The following CCSER2 variants were observed in gnomAD, a reference collection of about 807,000 sequenced individuals.
The protein encoded by CCSER2 is serine-rich coiled-coil domain-containing protein 2.
CCSER2 carries 46 observed loss-of-function variants against 92.3 expected under a neutral mutation model. The ratio of observed to expected loss-of-function variants is 0.50; its 90% CI spans 0.39 to 0.64. The LOEUF (loss-of-function observed/expected upper bound fraction) is 0.64, where lower values mean the gene tolerates loss of function less well. Ranked by LOEUF, CCSER2 falls within the 30% of genes least tolerant of loss-of-function variation. CCSER2 has a pLI of 0.00. For synonymous variants in CCSER2, 433 were observed against 431.4 expected (o/e 1.00, Z -0.04); for missense variants, 1,244 against 1,238.9 (o/e 1.00, Z -0.06).
chr10:84,488,429 G>A (rs1271174860), intron 9 of CCSER2, among the ~76,000 whole-genome samples: 1 of 152,164 alleles, frequency 6.6e-6, no homozygotes, highest in African/African-American at 2.4e-5. Flanking sequence ...CCTGTTGTTG[G>A]TCTATTCAGG....
chr10:84,438,771 T>A, intron 6 of CCSER2, 64 bp downstream of exon 6: 1 of 1,042,796 alleles, frequency 9.6e-7, no homozygotes, highest in Non-Finnish European at 1.4e-6. Context: ...TGACTTTAGT[T>A]TTTTTTAAAA....
intron 4 of CCSER2, among the ~76,000 whole-genome samples, chr10:84,419,213 A>G (rs746053103): frequency 3.3e-5 from 5 of 152,144 alleles, no homozygotes; most frequent in Non-Finnish European, 5.9e-5. Context: ...AAGCTTGTCC[A>G]TCTACATTGT....
At chr10:84,458,355 G>T (rs1038371330) in intron 6 of CCSER2, among the ~76,000 whole-genome samples, 1 of 152,128 alleles carries the variant, frequency 6.6e-6, no homozygotes, top group African/African-American at 2.4e-5. Flanking sequence ...GACCATAAAT[G>T]TGTGGGTCTG....
chr10:84,335,316 C>T (rs770823792), intron 1 of CCSER2, among the ~76,000 whole-genome samples: 2 of 144,790 alleles, frequency 1.4e-5, no homozygotes, highest in Non-Finnish European at 1.5e-5. Context: ...GCAGCCTTGA[C>T]CTCCTGGGCT....
chr10:84,449,622 A>G (rs1845146132), intron 6 of CCSER2, among the ~76,000 whole-genome samples: 1 of 152,194 alleles, frequency 6.6e-6, no homozygotes, highest in Admixed American at 6.5e-5. Flanking sequence ...TGGGAGGCCA[A>G]GGTGGGCAGA....
chr10:84,408,219 ACTTGTC>A (rs1842468853), intron 3 of CCSER2, among the ~76,000 whole-genome samples: 1 of 152,134 alleles, frequency 6.6e-6, no homozygotes, highest in East Asian at 1.9e-4. Flanking sequence ...GGAAGATTAT[ACTTGTC>A]CTTCAGTTTA....
At chr10:84,465,051 C>T (rs1398879480) in intron 7 of CCSER2, among the ~76,000 whole-genome samples, 1 of 151,934 alleles carries the variant, frequency 6.6e-6, no homozygotes, top group African/African-American at 2.4e-5. Context: ...GATTGCTTCC[C>T]AACCCTGAGC....
At chr10:84,345,462 A>G (rs1315725957) in intron 1 of CCSER2, among the ~76,000 whole-genome samples, 1 of 152,214 alleles carries the variant, frequency 6.6e-6, no homozygotes, top group African/African-American at 2.4e-5. Flanking sequence ...ATAAAGATAC[A>G]TGTCTATTTA....
intron 8 of CCSER2, among the ~76,000 whole-genome samples, chr10:84,474,624 C>T (rs187935602): frequency 2.1e-5 from 3 of 143,072 alleles, no homozygotes; most frequent in Admixed American, 1.4e-4. Context: ...TCGCGTGCCA[C>T]TGCACTCCAG....
intron 5 of CCSER2, among the ~76,000 whole-genome samples, chr10:84,430,970 T>C (rs1359246616): frequency 6.6e-6 from 1 of 151,956 alleles, no homozygotes; most frequent in Non-Finnish European, 1.5e-5. Context: ...TAATAGATTT[T>C]ATTTTTTAGA....
chr10:84,370,971 C>T, intron 1 of CCSER2, 43 bp from the exon 2 acceptor site: 1 of 856,154 alleles, frequency 1.2e-6, no homozygotes, highest in Non-Finnish European at 1.7e-6. Flanking sequence ...TGTAATTATC[C>T]TTATTTAGGA....
chr10:84,412,038 A>C (rs1842677114), intron 3 of CCSER2, among the ~76,000 whole-genome samples: 1 of 152,088 alleles, frequency 6.6e-6, no homozygotes, highest in Non-Finnish European at 1.5e-5. Context: ...AATTTTATCG[A>C]GGGTCTTTTC....
intron 8 of CCSER2, among the ~76,000 whole-genome samples, chr10:84,472,474 A>C (rs1281818461): frequency 6.6e-6 from 1 of 152,146 alleles, no homozygotes; most frequent in Admixed American, 6.5e-5. Context: ...TGGGATGCTG[A>C]GGCAGAACAA....
At chr10:84,396,042 G>A (rs760886893) in intron 3 of CCSER2, among the ~76,000 whole-genome samples, 1 of 152,034 alleles carries the variant, frequency 6.6e-6, no homozygotes, top group Non-Finnish European at 1.5e-5. Flanking sequence ...ATATATTAAA[G>A]ACCAAGAGCT....
rs1564618700 is a variant in CCSER2, at chr10:84,385,010, C to G, written c.1614+11195C>G. 8.9e-5 allele frequency among the ~76,000 whole-genome samples: 13 copies of G among 146,698 alleles called. No individual in the cohort carries two copies. The South Asian group carries it at 2.7e-3, about 31-fold the overall frequency. ...CTGAAATCAATTTACAATAAACACA[C>G]ACACACACACACACACACACACACC... On this transcript the variant is annotated intron_variant, in intron 3 of 9. Coordinates refer to ENST00000372088, the MANE Select transcript of CCSER2 (RefSeq NM_001284240.2).
At chr10:84,508,987 C>T (rs1174880200) in intron 9 of CCSER2, among the ~76,000 whole-genome samples, 1 of 152,110 alleles carries the variant, frequency 6.6e-6, no homozygotes, top group Non-Finnish European at 1.5e-5. Flanking sequence ...TTTCCCCAAC[C>T]TATTTCTAGT....
intron 1 of CCSER2, among the ~76,000 whole-genome samples, chr10:84,370,226 G>C (rs541943712): frequency 6.6e-6 from 1 of 152,196 alleles, no homozygotes; most frequent in South Asian, 2.1e-4. Flanking sequence ...TGGGCAGCAT[G>C]GTCATTTTCA....
At chr10:84,362,033 A>G (rs982825861) in intron 1 of CCSER2, among the ~76,000 whole-genome samples, 12 of 152,220 alleles carry the variant, frequency 7.9e-5, no homozygotes, top group African/African-American at 2.7e-4. Context: ...TCATATACTG[A>G]GCAAGCTGGG....
chr10:84,400,788 C>T lies in CCSER2; in HGVS notation c.1615-16983C>T, dbSNP rs555003147. Among the ~76,000 whole-genome samples the T allele has an allele frequency of 7.1e-4, 108 of 152,116 alleles. 1 individual carries two copies. The highest frequency in any genetic ancestry group is 1.3e-3 in the Non-Finnish European group (90 of 68,000). On this transcript the variant is annotated intron_variant, in intron 3 of 9. Transcript: ENST00000372088. ...AATTAGCCTGGTGTGGTGGCGGGCACCTGTAATTCAAGCTACTTGGGAGGC... is the reference window on the plus strand; with the variant it reads ...AATTAGCCTGGTGTGGTGGCGGGCATCTGTAATTCAAGCTACTTGGGAGGC...
Sources: gnomAD v4.1 joint callset for allele counts (sites outside exome capture counted in the v4.1 genomes callset) on GRCh38, gnomAD v4.1.1 for gene constraint, MANE v1.5 for transcripts, NCBI Gene and HGNC (gene_info 2026-07-23, HGNC 2026-07-21) for gene names.